ABLIM2: variants seen among roughly 807,000 people sequenced by gnomAD.
ABLIM2 encodes the protein actin binding LIM protein family member 2.
Under a neutral mutation model 97.7 loss-of-function variants are expected in ABLIM2, and 53 were observed. The ratio of observed to expected loss-of-function variants is 0.54; its 90% CI spans 0.44 to 0.68. ABLIM2 has a LOEUF of 0.68. Among genes scored for constraint, ABLIM2 ranks in the 30% least tolerant of loss-of-function variants. ABLIM2 has a pLI of 0.00. For missense variants in ABLIM2, 835 were observed against 867.2 expected, an observed-to-expected ratio of 0.96 and a Z score of 0.47; for synonymous variants, 361 against 345.8, an observed-to-expected ratio of 1.04 and a Z score of -0.49.
chr4:8,108,546 C>T (rs553028601), intron 1 of ABLIM2, among the ~76,000 whole-genome samples: 1 of 152,260 alleles, frequency 6.6e-6, no homozygotes. Context: ...AACAATAACT[C>T]GGTCCCACAT....
rs1054807825 is a variant in ABLIM2 at position 8,128,398 on chromosome 4, A to C, written c.11-21761T>G. Among the ~76,000 whole-genome samples, 2 of 152,152 alleles carry C rather than the reference A, an allele frequency of 1.3e-5. No homozygotes were observed. Among genetic ancestry groups the C allele is most frequent in the Non-Finnish European group, 2.9e-5 (2 of 68,026 alleles). On this transcript the variant is annotated intron_variant, in intron 1 of 20. Transcript: ENST00000447017. The surrounding 1 kb of genome is among the most constrained non-coding windows in gnomAD (Gnocchi z 4.9). ...TCAGAGTCCAGCACCCCGTCATAGG[A>C]TGCGTTGCACCTGCACACCCAGTAC...
At position 8,128,197 on chromosome 4, in the gene ABLIM2, C is replaced by G. The variant is rs575351849; in HGVS notation, c.11-21560G>C. Among the ~76,000 whole-genome samples, 1 of 152,194 alleles carries G rather than the reference C, an allele frequency of 6.6e-6. No individual in the cohort carries two copies. Reference sequence around the variant, plus strand: ...AGGCCGTCTTCCCTGTGTGTCTCTGCGTGTCCTTTTTAGTCTCTTATGAGG... The same window carrying G: ...AGGCCGTCTTCCCTGTGTGTCTCTGGGTGTCCTTTTTAGTCTCTTATGAGG... On this transcript the variant is annotated intron_variant, in intron 1 of 20. Transcript: ENST00000447017. The surrounding 1 kb of genome is among the most constrained non-coding windows in gnomAD (Gnocchi z 4.9).
rs528602871 is a variant in ABLIM2, at chr4:8,120,538, G to T, written c.11-13901C>A. Among the ~76,000 whole-genome samples, 1 of 152,092 alleles carries T rather than the reference G, an allele frequency of 6.6e-6. No homozygotes were observed. Among genetic ancestry groups the T allele is most frequent in the Non-Finnish European group, 1.5e-5 (1 of 68,028 alleles). ...GATGCCAGGAGAGGGGCCCTGGGAC[G>T]GGTCCTTCCTTGCAGCCTCAGAAGG... On this transcript the variant is annotated intron_variant, in intron 1 of 20. Transcript: ENST00000447017. The surrounding 1 kb of genome is among the most constrained non-coding windows in gnomAD (Gnocchi z 5.6).
At chr4:8,038,267 G>A (rs1785844077) in intron 9 of ABLIM2, among the ~76,000 whole-genome samples, 1 of 152,182 alleles carries the variant, frequency 6.6e-6, no homozygotes, top group Non-Finnish European at 1.5e-5. Context: ...GAGCCAGGAG[G>A]GTGCAGGGCA....
intron 18 of ABLIM2, among the ~76,000 whole-genome samples, 187 bp from the exon 19 acceptor site, chr4:7,983,741 G>T (rs552517331): frequency 1.9e-4 from 29 of 152,122 alleles, no homozygotes; most frequent in African/African-American, 5.1e-4. Flanking sequence ...GGCCCTGAGG[G>T]CCTCCCCCGG....
At position 8,009,097 on chromosome 4, in the gene ABLIM2, T is replaced by C. The variant is rs34237203; in HGVS notation, c.1429A>G (p.Arg477Gly). 1 of 1,613,930 alleles carries C rather than the reference T, an allele frequency of 6.2e-7. No homozygotes were observed. Among genetic ancestry groups the C allele is most frequent in the Admixed American group, 1.7e-5 (1 of 60,002 alleles). Residue 477 changes from arginine to glycine, a missense_variant, in exon 15 of 21, where the codon AGG (arginine) becomes GGG (glycine). Arg to Gly is a moderately radical substitution (Grantham distance 125). Coordinates refer to ENST00000447017, the MANE Select transcript of ABLIM2 (RefSeq NM_001130083.2). ...KPPIYRQHAA[R>G]RSDGEDGSLD... ...CTTCCATCCTCCCCATCCGATCGCC[T>C]GGCAGCTGGAAGGGAAAAATCCATT...
At chr4:8,086,515 T>C (rs1241703496) in intron 4 of ABLIM2, among the ~76,000 whole-genome samples, 1 of 152,118 alleles carries the variant, frequency 6.6e-6, no homozygotes, top group Non-Finnish European at 1.5e-5. Context: ...ACCAGGCTAA[T>C]TTTTGTACTT....
chr4:8,079,630 G>A (rs1306424321), intron 5 of ABLIM2, among the ~76,000 whole-genome samples: 1 of 152,086 alleles, frequency 6.6e-6, no homozygotes, highest in African/African-American at 2.4e-5. Flanking sequence ...TGTACCCTTC[G>A]CCTAGTTTCC....
In ABLIM2 at chr4:8,082,848, G is replaced by A. The variant is rs114881866; in HGVS notation, c.455-2046C>T. ...CCCAATCTGCCGCGCTCCTTCCTGTGTCTCTGCAGAGTCAGACGACGCACA... is the reference window on the plus strand; with the variant it reads ...CCCAATCTGCCGCGCTCCTTCCTGTATCTCTGCAGAGTCAGACGACGCACA... On this transcript the variant is annotated intron_variant, in intron 4 of 20. Coordinates refer to ENST00000447017, the MANE Select transcript of ABLIM2 (RefSeq NM_001130083.2). The surrounding 1 kb of genome is among the most constrained non-coding windows in gnomAD (Gnocchi z 5.6). Among the ~76,000 whole-genome samples the A allele has an allele frequency of 0.022, 3,361 of 152,330 alleles. 70 individuals are homozygous for A. Among genetic ancestry groups the A allele is most frequent in the Non-Finnish European group, 0.035 (2,397 of 68,030 alleles).
intron 20 of ABLIM2, among the ~76,000 whole-genome samples, chr4:7,973,955 C>T (rs867359056): frequency 2.0e-5 from 3 of 152,208 alleles, no homozygotes; most frequent in Middle Eastern, 3.2e-3. Flanking sequence ...GGAGATCGCC[C>T]TCAATAATGC....
intron 20 of ABLIM2, among the ~76,000 whole-genome samples, chr4:7,968,029 C>G (rs532566587): frequency 5.3e-5 from 8 of 152,362 alleles, no homozygotes; most frequent in Non-Finnish European, 1.2e-4. Context: ...TGAGAAACCC[C>G]GCATCCCTCA....
At chr4:8,077,972 G>A (rs1017998544) in intron 5 of ABLIM2, among the ~76,000 whole-genome samples, 1 of 152,228 alleles carries the variant, frequency 6.6e-6, no homozygotes, top group African/African-American at 2.4e-5. Context: ...CACCTGCCCA[G>A]TGGGTGGGAG....
chr4:8,124,101 C>T lies in ABLIM2; in HGVS notation c.11-17464G>A, dbSNP rs1355181478. On this transcript the variant is annotated intron_variant, in intron 1 of 20. Transcript: ENST00000447017. The surrounding 1 kb of genome is among the most constrained non-coding windows in gnomAD (Gnocchi z 6.1). ...AACAAAAACCACACACTCTCACACACCTGGGACATATGATATGACATCACA... is the reference window on the plus strand; with the variant it reads ...AACAAAAACCACACACTCTCACACATCTGGGACATATGATATGACATCACA... Among the ~76,000 whole-genome samples, 1 of 152,136 alleles carries T rather than the reference C, an allele frequency of 6.6e-6. No individual in the cohort carries two copies. Among genetic ancestry groups the T allele is most frequent in the Non-Finnish European group, 1.5e-5 (1 of 68,030 alleles).
At chr4:7,969,730 G>C (rs1217117791) in intron 20 of ABLIM2, among the ~76,000 whole-genome samples, 137 of 139,676 alleles carry the variant, frequency 9.8e-4, no homozygotes, top group Middle Eastern at 3.5e-3. Context: ...CTCTCTCTCT[G>C]ACACACACAC....
chr4:8,005,349 T>C lies in ABLIM2; in HGVS notation c.1618+2710A>G, dbSNP rs377509260. The C allele has an allele frequency of 5.1e-5, 27 of 533,532 alleles. No individual in the cohort carries two copies. Among genetic ancestry groups the C allele is most frequent in the African/African-American group, 4.8e-4 (25 of 51,928 alleles). 33.0% of individuals were successfully genotyped at this position (533,532 alleles called of 1,614,324 possible). A position where few individuals can be genotyped will look rare whatever the true frequency, so the allele number is the denominator to read the frequency against. ...ACCCGTTGAATGTAACGCATTTCAA[T>C]TCAACAGACATTTATTGAGTGCCCA... On this transcript the variant is annotated intron_variant, in intron 16 of 20. Coordinates refer to ENST00000447017, the MANE Select transcript of ABLIM2 (RefSeq NM_001130083.2). The surrounding 1 kb of genome is among the most constrained non-coding windows in gnomAD (Gnocchi z 4.9).
intron 9 of ABLIM2, among the ~76,000 whole-genome samples, chr4:8,038,763 G>T (rs1025126494): frequency 6.6e-6 from 1 of 152,140 alleles, no homozygotes; most frequent in Admixed American, 6.5e-5. Context: ...ATCCAATCCC[G>T]AGCCAGCCAT....
At chr4:8,100,294 C>A (rs1204584824) in intron 2 of ABLIM2, among the ~76,000 whole-genome samples, 3 of 152,180 alleles carry the variant, frequency 2.0e-5, no homozygotes, top group East Asian at 1.9e-4. Context: ...TAAATAGATG[C>A]CTGGGCTTTA....
chr4:7,976,780 T>C (rs1273302944), intron 20 of ABLIM2, among the ~76,000 whole-genome samples: 4 of 151,586 alleles, frequency 2.6e-5, no homozygotes, highest in Non-Finnish European at 4.4e-5. Context: ...CATATACACA[T>C]ACACACAAGT....
chr4:8,155,764 G>A lies in ABLIM2; in HGVS notation c.10+2916C>T, dbSNP rs766099865. On this transcript the variant is annotated intron_variant, in intron 1 of 20. Coordinates refer to ENST00000447017, the MANE Select transcript of ABLIM2 (RefSeq NM_001130083.2). The surrounding 1 kb of genome is among the most constrained non-coding windows in gnomAD (Gnocchi z 4.2). Reference sequence around the variant, plus strand: ...ACACAGACACACACAAAGGGAAGACGGGACGAGGACACAGACACACACAAA... The same window carrying A: ...ACACAGACACACACAAAGGGAAGACAGGACGAGGACACAGACACACACAAA... Among the ~76,000 whole-genome samples the A allele has an allele frequency of 3.7e-5, 5 of 134,070 alleles. No homozygotes were observed. The highest frequency in any genetic ancestry group is 5.5e-5 in the African/African-American group (2 of 36,250). The allele number at this position is 134,070 out of a possible 152,430, so 88.0% of individuals were successfully genotyped here.
Sources: gnomAD v4.1 joint callset for allele counts (sites outside exome capture counted in the v4.1 genomes callset) on GRCh38, gnomAD v4.1.1 for gene constraint, Gnocchi (gnomAD v3.1) non-coding constraint, MANE v1.5 for transcripts, NCBI Gene and HGNC (gene_info 2026-07-23, HGNC 2026-07-21) for gene names.